Variants in STAU2 observed in about 807,000 individuals in gnomAD.
STAU2 encodes double-stranded RNA-binding protein Staufen homolog 2.
In STAU2, 20 loss-of-function variants were observed where a neutral mutation model predicts 65.9. That is an observed-to-expected ratio of 0.30 (90% CI 0.21 to 0.44). The LOEUF is 0.44. STAU2 is among the 20% of genes least tolerant of loss of function. The probability of loss-of-function intolerance (pLI) is 1.00; values close to 1 mark genes in which losing one functional copy is unlikely to be tolerated. For synonymous variants in STAU2, 232 were observed against 233.9 expected (o/e 0.99, Z 0.07); for missense variants, 558 against 683.9 (o/e 0.82, Z 2.05).
chr8:73,581,411 C>A (rs994934357), intron 12 of STAU2, among the ~76,000 whole-genome samples: 5 of 152,132 alleles, frequency 3.3e-5, no homozygotes, highest in Non-Finnish European at 5.9e-5. Context: ...GAATTTCTGG[C>A]ACGCCTACAT....
chr8:73,596,841 C>T (rs2129639404), intron 10 of STAU2, among the ~76,000 whole-genome samples: 1 of 151,978 alleles, frequency 6.6e-6, no homozygotes, highest in Non-Finnish European at 1.5e-5. Flanking sequence ...AGAGTAAGAC[C>T]ACATCTCTAA....
intron 13 of STAU2, among the ~76,000 whole-genome samples, chr8:73,524,839 G>A (rs1398020879): frequency 6.6e-6 from 1 of 152,174 alleles, no homozygotes. Context: ...ATTAATGGGT[G>A]AAAAAGCATT....
At chr8:73,529,071 C>A (rs1406439806) in intron 13 of STAU2, among the ~76,000 whole-genome samples, 2 of 152,060 alleles carry the variant, frequency 1.3e-5, no homozygotes, top group African/African-American at 4.8e-5. Flanking sequence ...ACATAAAAGC[C>A]TTATTCCCAA....
chr8:73,722,199 G>A (rs1202334305), intron 3 of STAU2, among the ~76,000 whole-genome samples: 1 of 151,988 alleles, frequency 6.6e-6, no homozygotes, highest in Non-Finnish European at 1.5e-5. Context: ...CTGCCTTTTA[G>A]CTATTGTTAT....
intron 13 of STAU2, among the ~76,000 whole-genome samples, chr8:73,444,991 G>A (rs1020236016): frequency 1.3e-5 from 2 of 152,152 alleles, no homozygotes; most frequent in Non-Finnish European, 2.9e-5. Flanking sequence ...TAGAAGGAGC[G>A]CCTAGATGGG....
chr8:73,583,846 T>C (rs1024453447), intron 11 of STAU2, among the ~76,000 whole-genome samples: 1 of 152,160 alleles, frequency 6.6e-6, no homozygotes, highest in Non-Finnish European at 1.5e-5. Flanking sequence ...AAGTAGTAAG[T>C]ATTCAAATCA....
chr8:73,440,741 C>G (rs894361424), intron 13 of STAU2: 1 of 152,194 alleles, frequency 6.6e-6, no homozygotes, highest in African/African-American at 2.4e-5. Context: ...AAATAAGAAC[C>G]GGTCACCACC....
chr8:73,606,281 C>A (rs1812030500), intron 9 of STAU2, among the ~76,000 whole-genome samples: 1 of 151,706 alleles, frequency 6.6e-6, no homozygotes, highest in Admixed American at 6.6e-5. Flanking sequence ...AACTTCTGCT[C>A]TTTGAAAAAG....
At chr8:73,629,819 T>C (rs1168209772) in intron 6 of STAU2, among the ~76,000 whole-genome samples, 1 of 152,156 alleles carries the variant, frequency 6.6e-6, no homozygotes, top group African/African-American at 2.4e-5. Context: ...CAGGCTGAAG[T>C]GTAGTCGTGC....
At chr8:73,506,591 G>A (rs1023169911) in intron 13 of STAU2, among the ~76,000 whole-genome samples, 2 of 152,132 alleles carry the variant, frequency 1.3e-5, no homozygotes, top group East Asian at 3.8e-4. Context: ...CTGGTGGAGG[G>A]TCTTGCATCA....
At chr8:73,672,459 A>G (rs950959254) in intron 6 of STAU2, 8 of 152,152 alleles carry the variant, frequency 5.3e-5, no homozygotes, top group Non-Finnish European at 1.2e-4. Context: ...TCATCAAATA[A>G]AGTATAAATA....
chr8:73,430,475 A>C (rs1817185793), intron 13 of STAU2, among the ~76,000 whole-genome samples: 2 of 152,144 alleles, frequency 1.3e-5, no homozygotes, highest in South Asian at 4.2e-4. Context: ...TTTTCCCAGA[A>C]ACAACACTTT....
At chr8:73,477,037 G>A (rs1249837899) in intron 13 of STAU2, among the ~76,000 whole-genome samples, 1 of 152,178 alleles carries the variant, frequency 6.6e-6, no homozygotes, top group Non-Finnish European at 1.5e-5. Flanking sequence ...GATAATCCAC[G>A]TGAACAGCAG....
chr8:73,713,047 T>A (rs1197314580), intron 3 of STAU2, among the ~76,000 whole-genome samples: 1 of 152,190 alleles, frequency 6.6e-6, no homozygotes, highest in Non-Finnish European at 1.5e-5. Flanking sequence ...CACTGAAAAA[T>A]TCTCAAATAT....
intron 4 of STAU2, among the ~76,000 whole-genome samples, chr8:73,706,804 C>T (rs896954099): frequency 3.3e-5 from 5 of 152,152 alleles, no homozygotes; most frequent in Admixed American, 2.6e-4. Context: ...TAAGAAGAGA[C>T]CCACTGTCAT....
chr8:73,421,347 T>TATAA lies in STAU2; in HGVS notation c.*24_*25insTTAT, dbSNP rs1269672644. Reference sequence around the variant, plus strand: ...TGCTGACAGGTTTATAAGGATGCGGTGGCAGCCGCGGGTTCTGGGAGCTGC... The same window carrying TATAA: ...TGCTGACAGGTTTATAAGGATGCGGTATAAGGCAGCCGCGGGTTCTGGGAGCTGC... On this transcript the variant is annotated 3_prime_UTR_variant, in exon 15 of 15. Transcript: ENST00000524300. 7.8e-6 allele frequency: 12 copies of TATAA among 1,535,542 alleles called. No homozygotes were observed. Among genetic ancestry groups the TATAA allele is most frequent in the African/African-American group, 1.4e-5 (1 of 73,032 alleles).
At chr8:73,746,910 C>G (rs1389186441), upstream of STAU2, 1 of 1,054,698 alleles carries the variant, frequency 9.5e-7, no homozygotes, top group East Asian at 5.6e-5. Context: ...CGCCTCCGCC[C>G]GCCTCCCCGG....
intron 13 of STAU2, among the ~76,000 whole-genome samples, chr8:73,488,642 T>G (rs886663378): frequency 5.9e-5 from 9 of 151,620 alleles, no homozygotes; most frequent in South Asian, 2.1e-4. Flanking sequence ...ATTTATGAGT[T>G]GCTTTTAACA....
At chr8:73,739,252 AT>A (rs57174959) in intron 2 of STAU2, among the ~76,000 whole-genome samples, 1 of 151,030 alleles carries the variant, frequency 6.6e-6, no homozygotes, top group East Asian at 1.9e-4. Flanking sequence ...AAAAAAAAAA[AT>A]TTTAATTTGA....
Sources: allele counts gnomAD v4.1 joint callset (sites outside exome capture counted in the v4.1 genomes callset), GRCh38; gene constraint gnomAD v4.1.1; transcripts MANE v1.5; gene names NCBI Gene and HGNC (gene_info 2026-07-23, HGNC 2026-07-21).